CCDC171: variants seen among roughly 807,000 people sequenced by gnomAD.
CCDC171 encodes coiled-coil domain containing 171.
A neutral mutation model predicts 168.2 loss-of-function variants in CCDC171; 177 were observed. That is an observed-to-expected ratio of 1.05 (90% CI 0.93 to 1.19). CCDC171 has a LOEUF of 1.19. Among genes scored for constraint, CCDC171 ranks in the 50% most tolerant of loss-of-function variants. CCDC171 has a pLI of 0.00. For missense variants in CCDC171, 1,991 were observed against 1,539.0 expected, an observed-to-expected ratio of 1.29 and a Z score of -4.91; for synonymous variants, 687 against 540.8, an observed-to-expected ratio of 1.27 and a Z score of -3.75.
the CCDC171 span, among the ~76,000 whole-genome samples, chr9:16,086,145 A>G: frequency 9.2e-5 from 14 of 152,084 alleles, no homozygotes; most frequent in South Asian, 2.1e-4. Flanking sequence ...TTACTGGTCT[A>G]TTCAGGGATT....
chr9:15,657,939 G>C (rs1347732219), intron 8 of CCDC171, among the ~76,000 whole-genome samples: 1 of 152,212 alleles, frequency 6.6e-6, no homozygotes, highest in Non-Finnish European at 1.5e-5. Flanking sequence ...GGCCAAGTCT[G>C]ACCTGCAGCC....
At chr9:15,815,030 TA>T (rs1209463132) in intron 21 of CCDC171, among the ~76,000 whole-genome samples, 1 of 152,146 alleles carries the variant, frequency 6.6e-6, no homozygotes, top group Non-Finnish European at 1.5e-5. Context: ...GAGACTGGCT[TA>T]GGGGGAAAAA....
At chr9:16,022,933 T>C (rs1361412720) in intron 6 of CCDC171, 2 of 152,200 alleles carry the variant, frequency 1.3e-5, no homozygotes, top group Admixed American at 1.3e-4. Flanking sequence ...ATATGTTGAA[T>C]TACCAGTGCC....
At chr9:16,007,500 C>G (rs1400891780) in intron 3 of CCDC171, among the ~76,000 whole-genome samples, 5 of 152,110 alleles carry the variant, frequency 3.3e-5, no homozygotes, top group African/African-American at 1.2e-4. Context: ...GACATGAAGT[C>G]CTTGCCCATG....
chr9:16,083,672 C>T, the CCDC171 span, among the ~76,000 whole-genome samples: 6 of 152,140 alleles, frequency 3.9e-5, no homozygotes, highest in Non-Finnish European at 8.8e-5. Flanking sequence ...CTTAAAGGCC[C>T]AGAAATTCAT....
chr9:15,771,752 T>C (rs1160009073), intron 18 of CCDC171, among the ~76,000 whole-genome samples: 2 of 152,210 alleles, frequency 1.3e-5, no homozygotes, highest in African/African-American at 2.4e-5. Flanking sequence ...ATACATTAAA[T>C]CTTGAGTTTA....
intron 21 of CCDC171, among the ~76,000 whole-genome samples, chr9:15,788,425 C>A (rs1439197827): frequency 6.6e-6 from 1 of 151,874 alleles, no homozygotes; most frequent in Non-Finnish European, 1.5e-5. Context: ...CTGTGCATAA[C>A]TTCTTTTAAA....
chr9:15,828,364 A>G (rs1452166081), intron 21 of CCDC171, among the ~76,000 whole-genome samples: 1 of 151,712 alleles, frequency 6.6e-6, no homozygotes, highest in African/African-American at 2.4e-5. Flanking sequence ...GAAAAGTGAT[A>G]CGTGAAGAAT....
At chr9:15,865,799 G>A (rs1274247031) in intron 23 of CCDC171, among the ~76,000 whole-genome samples, 4 of 151,212 alleles carry the variant, frequency 2.6e-5, no homozygotes, top group Non-Finnish European at 5.9e-5. Flanking sequence ...TCAACTCTGT[G>A]GGGGTTGGCA....
chr9:15,919,733 C>A (rs768718477), intron 24 of CCDC171, among the ~76,000 whole-genome samples: 1 of 151,580 alleles, frequency 6.6e-6, no homozygotes, highest in Non-Finnish European at 1.5e-5. Flanking sequence ...AATGTAAGGG[C>A]ATTTCTGTGT....
rs1831536513 is a variant in CCDC171 at position 15,973,747 on chromosome 9, C to T, written c.*1911C>T. 1 of 152,116 alleles carries T rather than the reference C, an allele frequency of 6.6e-6. No homozygotes were observed. Among genetic ancestry groups the T allele is most frequent in the Admixed American group, 6.6e-5 (1 of 15,266 alleles). The allele number at this position is 152,116 out of a possible 1,614,324, so 9.4% of individuals were successfully genotyped here. ...GAACACCTTTCTCTGCTGTTCCAAA[C>T]AATGATTAGGATATTGTTCATACAG... is the stretch of plus-strand genomic sequence containing the variant. On this transcript the variant is annotated 3_prime_UTR_variant, in exon 26 of 26. Transcript: ENST00000380701.
At chr9:16,022,042 G>A (rs965265066) in intron 4 of CCDC171, among the ~76,000 whole-genome samples, 1 of 152,228 alleles carries the variant, frequency 6.6e-6, no homozygotes. Flanking sequence ...CTAGGACCCA[G>A]GGAGAGAGAT....
At chr9:15,926,715 A>C (rs1825935914) in intron 25 of CCDC171, among the ~76,000 whole-genome samples, 1 of 151,698 alleles carries the variant, frequency 6.6e-6, no homozygotes, top group Non-Finnish European at 1.5e-5. Context: ...TATGAGGATG[A>C]AACAAAGACA....
chr9:15,944,354 G>A (rs10962227), intron 25 of CCDC171, among the ~76,000 whole-genome samples: 1 of 151,738 alleles, frequency 6.6e-6, no homozygotes, highest in African/African-American at 2.4e-5. Context: ...ACATGAAACA[G>A]AAGAGGACTT....
chr9:15,889,900 C>T (rs1819961891), intron 24 of CCDC171, among the ~76,000 whole-genome samples: 1 of 152,080 alleles, frequency 6.6e-6, no homozygotes, highest in South Asian at 2.1e-4. Context: ...TGGTTCGTAT[C>T]CTGGATTCCT....
chr9:15,677,043 C>G (rs1407116829), intron 9 of CCDC171, among the ~76,000 whole-genome samples: 1 of 152,160 alleles, frequency 6.6e-6, no homozygotes, highest in Non-Finnish European at 1.5e-5. Flanking sequence ...ATGGGCCTCA[C>G]ATGGATTGTT....
chr9:15,761,744 G>A (rs2056455795), intron 18 of CCDC171, among the ~76,000 whole-genome samples: 1 of 152,148 alleles, frequency 6.6e-6, no homozygotes, highest in South Asian at 2.1e-4. Flanking sequence ...TGGTGCTTCA[G>A]CTGCTAGTCT....
chr9:15,727,864 T>C lies in CCDC171; in HGVS notation c.1693-5T>C, dbSNP rs1223935252. ...CAATTAATTTTTCTTTTTTTTTTCC[T>C]GCAGGAGAAGCTAACCTTCCTTCAC... On this transcript the variant is annotated splice_polypyrimidine_tract_variant and splice_region_variant and intron_variant, in intron 14 of 25. Transcript: ENST00000380701. 1 of 1,597,476 alleles carries C rather than the reference T, an allele frequency of 6.3e-7. No individual in the cohort carries two copies. The highest frequency in any genetic ancestry group is 2.2e-5 in the East Asian group (1 of 44,680).
At chr9:15,613,514 C>A (rs1409964222) in intron 6 of CCDC171, among the ~76,000 whole-genome samples, 1 of 149,676 alleles carries the variant, frequency 6.7e-6, no homozygotes, top group South Asian at 2.1e-4. Flanking sequence ...TTGCATTTTT[C>A]TTTTTTTCTT....
Sources: gnomAD v4.1 joint callset for allele counts (sites outside exome capture counted in the v4.1 genomes callset) on GRCh38, gnomAD v4.1.1 for gene constraint, MANE v1.5 for transcripts, NCBI Gene and HGNC (gene_info 2026-07-23, HGNC 2026-07-21) for gene names.